Variants in PRPF39 observed in about 807,000 individuals in gnomAD.
PRPF39 encodes pre-mRNA-processing factor 39.
Under a neutral mutation model 82.1 loss-of-function variants are expected in PRPF39, and 27 were observed. The ratio of observed to expected loss-of-function variants is 0.33; its 90% confidence interval spans 0.24 to 0.45. The LOEUF is 0.45. PRPF39 is among the 20% of genes least tolerant of loss of function. The pLI, the probability that PRPF39 is intolerant of heterozygous loss-of-function variation, is 1.00. For missense variants in PRPF39, 581 were observed against 796.9 expected (o/e 0.73, Z 3.26); for synonymous variants, 261 against 256.4 (o/e 1.02, Z -0.17).
Position 45,107,517 on chromosome 14 carries a change from G to A in PRPF39, c.804G>A (p.Leu268=), listed in dbSNP as rs1285443670. The A allele has an allele frequency of 6.4e-7, 1 of 1,562,790 alleles. No individual in the cohort carries two copies. Among genetic ancestry groups the A allele is most frequent in the Non-Finnish European group, 8.7e-7 (1 of 1,151,096 alleles). Residue 268 remains leucine (L), a synonymous_variant, in exon 6 of 14, where the codon TTG becomes TTA. Transcript: ENST00000355765. The stretch of plus-strand genomic sequence containing the variant: ...TAACTGGTGAACAGTTTATTCAGTT[G>A]CGAAGGGAATTAGCTTCTGTAAATG... ...DLLTGEQFIQ[L]RRELASVNGH... is the part of the protein sequence containing the mutation.
chr14:45,090,888 C>T (rs950260660), intron 1 of PRPF39, among the ~76,000 whole-genome samples: 1 of 152,092 alleles, frequency 6.6e-6, no homozygotes, highest in Non-Finnish European at 1.5e-5. Flanking sequence ...GTCCCCTTCC[C>T]CCATCCCCAC....
chr14:45,113,394 C>A (rs1348495121), intron 11 of PRPF39, among the ~76,000 whole-genome samples: 2 of 152,160 alleles, frequency 1.3e-5, no homozygotes, highest in Non-Finnish European at 2.9e-5. Flanking sequence ...GTTCTGTTCT[C>A]TTAATAGATG....
chr14:45,112,494 T>C lies in PRPF39; in HGVS notation c.1749T>C (p.Asp583=). The change falls in exon 11 of 14, where the codon GAT becomes GAC. Residue 583 remains aspartate (D), a synonymous_variant. Coordinates refer to ENST00000355765, the MANE Select transcript of PRPF39 (RefSeq NM_017922.4). The part of the protein sequence containing the change: ...KVEFLEDFGS[D]VNKLLNAYDE... The stretch of plus-strand genomic sequence containing the variant: ...AATTTCTTGAAGATTTTGGTTCCGA[T>C]GTTAATAAGTAAGATATTAGTTATA... 1 of 1,509,036 alleles carries C rather than the reference T, an allele frequency of 6.6e-7. No homozygotes were observed. The highest frequency in any genetic ancestry group is 8.8e-7 in the Non-Finnish European group (1 of 1,138,384). 93.5% of individuals were successfully genotyped at this position (1,509,036 alleles called of 1,614,324 possible).
intron 1 of PRPF39, among the ~76,000 whole-genome samples, chr14:45,091,643 A>G (rs566951638): frequency 1.4e-3 from 211 of 152,344 alleles, no homozygotes; most frequent in African/African-American, 4.8e-3. Context: ...AAAATTAGTA[A>G]TGAACAGAAA....
chr14:45,110,056 CTG>C lies in PRPF39; in HGVS notation c.1177-36_1177-35del, dbSNP rs779808763. 6.2e-7 allele frequency: 1 copy of C among 1,605,644 alleles called. No individual in the cohort carries two copies. The highest frequency in any genetic ancestry group is 8.5e-7 in the Non-Finnish European group (1 of 1,175,662). ...GTCACAAATTTAATGGCTTGTTCAA[CTG>C]TAAATTATTCAGTATTTCCTCTTTT... On this transcript the variant is annotated intron_variant, in intron 8 of 13. Transcript: ENST00000355765. The surrounding 1 kb of genome is among the most constrained non-coding windows in gnomAD (Gnocchi z 4.0).
At chr14:45,106,066 G>T (rs1162003710) in intron 5 of PRPF39, among the ~76,000 whole-genome samples, 1 of 151,956 alleles carries the variant, frequency 6.6e-6, no homozygotes, top group East Asian at 1.9e-4. Flanking sequence ...AATGCTGAGG[G>T]TGGCGGGGCA....
At chr14:45,109,850 A>C (rs773001155) in intron 8 of PRPF39, 70 bp downstream of exon 8, 144 of 1,523,766 alleles carry the variant, frequency 9.5e-5, no homozygotes, top group Non-Finnish European at 1.2e-4. Flanking sequence ...CCTTTTTTGT[A>C]CTTCTGTTGA....
Position 45,110,643 on chromosome 14 carries a change from A to T in PRPF39, c.1398A>T (p.Arg466=). ...GTTTACGAAGAGTAAGTTTAGAACG[A>T]CGGCATGGAAATCTGGAAGAAGCTG... ...MVRLRRVSLE[R]RHGNLEEAEH... The change falls in exon 10 of 14, where the codon CGA becomes CGT. Residue 466 remains arginine (R), a synonymous_variant. Coordinates refer to ENST00000355765, the MANE Select transcript of PRPF39 (RefSeq NM_017922.4). This position sits in a 1 kb window ranked among gnomAD's most constrained non-coding sequence, Gnocchi z 4.0. The T allele has an allele frequency of 1.3e-6, 2 of 1,576,116 alleles. No individual in the cohort carries two copies. Among genetic ancestry groups the T allele is most frequent in the Middle Eastern group, 1.7e-4 (1 of 6,010 alleles).
intron 13 of PRPF39, 30 bp downstream of exon 13, chr14:45,114,644 C>A: frequency 6.3e-7 from 1 of 1,583,842 alleles, no homozygotes; most frequent in South Asian, 1.2e-5. Context: ...ATTCTTTGTT[C>A]ATAGATGTTA....
chr14:45,093,668 G>T lies in PRPF39; in HGVS notation c.-19-1553G>T, dbSNP rs184326576. Among the ~76,000 whole-genome samples, 40 of 151,582 alleles carry T rather than the reference G, an allele frequency of 2.6e-4. No homozygotes were observed. The East Asian group carries it at 7.8e-3, about 29-fold the overall frequency. The stretch of plus-strand genomic sequence containing the variant: ...CCTCCCAGGTTCAAGAGAGTCTCCT[G>T]CCTCAGCCTCCTGAGTAGCTGGGAT... On this transcript the variant is annotated intron_variant, in intron 1 of 13. Coordinates refer to ENST00000355765, the MANE Select transcript of PRPF39 (RefSeq NM_017922.4).
chr14:45,110,636 T>C lies in PRPF39; in HGVS notation c.1391T>C (p.Leu464Ser). 1 of 1,575,760 alleles carries C rather than the reference T, an allele frequency of 6.3e-7. No individual in the cohort carries two copies. The highest frequency in any genetic ancestry group is 8.6e-7 in the Non-Finnish European group (1 of 1,159,190). ...LAMVRLRRVS[L>S]ERRHGNLEEA... ...ATGGTTCGTTTACGAAGAGTAAGTT[T>C]AGAACGACGGCATGGAAATCTGGAA... Residue 464 changes from leucine to serine, a missense_variant, in exon 10 of 14, where the codon TTA becomes TCA. Leu to Ser is a moderately radical substitution (Grantham distance 145). Transcript: ENST00000355765. This position sits in a 1 kb window ranked among gnomAD's most constrained non-coding sequence, Gnocchi z 4.0.
chr14:45,085,508 T>C (rs1168489555), intron 1 of PRPF39, among the ~76,000 whole-genome samples: 2 of 152,190 alleles, frequency 1.3e-5, no homozygotes, highest in African/African-American at 2.4e-5. Context: ...ACATGGAAGA[T>C]AGGACTTCAA....
chr14:45,115,688 A>G lies in PRPF39; in HGVS notation c.*775A>G, dbSNP rs1345191917. The G allele has an allele frequency of 6.6e-6, 1 of 152,610 alleles. No individual in the cohort carries two copies. The highest frequency in any genetic ancestry group is 1.5e-5 in the Non-Finnish European group (1 of 68,212). 9.5% of individuals were successfully genotyped at this position (152,610 alleles called of 1,614,324 possible). Reference sequence around the variant, plus strand: ...TAGTGGCTCATTGGTTTTGAAGTACACCTTTTCTAAATTCAGGTCTTGATC... The same window carrying G: ...TAGTGGCTCATTGGTTTTGAAGTACGCCTTTTCTAAATTCAGGTCTTGATC... On this transcript the variant is annotated 3_prime_UTR_variant, in exon 14 of 14. Coordinates refer to ENST00000355765, the MANE Select transcript of PRPF39 (RefSeq NM_017922.4).
At chr14:45,098,113 C>A (rs1357470646) in intron 4 of PRPF39, among the ~76,000 whole-genome samples, 1 of 151,808 alleles carries the variant, frequency 6.6e-6, no homozygotes, top group South Asian at 2.1e-4. Flanking sequence ...TTTTTTTAAT[C>A]ATTGTAAATC....
Position 45,112,467 on chromosome 14 carries a change from G to A in PRPF39, c.1722G>A (p.Val574=). ...GAATTACATTTTCTCAGAGAAAAGT[G>A]GAATTTCTTGAAGATTTTGGTTCCG... The part of the protein sequence containing the change: ...KMRITFSQRK[V]EFLEDFGSDV... Residue 574 remains valine, a synonymous_variant, in exon 11 of 14, where the codon GTG becomes GTA. Transcript: ENST00000355765. The A allele has an allele frequency of 6.6e-7, 1 of 1,522,906 alleles. No homozygotes were observed. Among genetic ancestry groups the A allele is most frequent in the Middle Eastern group, 1.7e-4 (1 of 5,748 alleles). The allele number at this position is 1,522,906 out of a possible 1,614,324, so 94.3% of individuals were successfully genotyped here.
chr14:45,111,084 A>G, intron 10 of PRPF39: 1 of 391,546 alleles, frequency 2.6e-6, no homozygotes, highest in Non-Finnish European at 4.6e-6. Flanking sequence ...AATTATCAAC[A>G]AATTTACTGA....
rs757055231 is a variant in PRPF39, at chr14:45,096,204, C to G, written c.426C>G (p.His142Gln). 5.0e-6 allele frequency: 8 copies of G among 1,590,806 alleles called. No individual in the cohort carries two copies. The Admixed American group carries it at 8.8e-5, about 18-fold the overall frequency. The change falls in exon 3 of 14, where the codon CAC becomes CAG. Residue 142 changes from histidine to glutamine, a missense_variant. Coordinates refer to ENST00000355765, the MANE Select transcript of PRPF39 (RefSeq NM_017922.4). ...AGTATGCAGACCTTGAAAAGCGGCA[C>G]GACAACATTAAACCATCAGATGAGG... is the stretch of plus-strand genomic sequence containing the variant. ...WKKYADLEKR[H>Q]DNIKPSDEVY...
Position 45,085,317 on chromosome 14 carries a change from T to G in PRPF39, c.-20+1068T>G, listed in dbSNP as rs1002635820. On this transcript the variant is annotated intron_variant, in intron 1 of 13. Coordinates refer to ENST00000355765, the MANE Select transcript of PRPF39 (RefSeq NM_017922.4). ...GAGTTCTGTTAAAGAGGACTAGTAC[T>G]TAGATTGTGAACTTTGAAGTAGGGG... Among the ~76,000 whole-genome samples, 3 of 152,224 alleles carry G rather than the reference T, an allele frequency of 2.0e-5. No homozygotes were observed. In the East Asian group the frequency reaches 5.8e-4, roughly 29 times the overall value.
rs542005854 is a variant in PRPF39, at chr14:45,115,671, C to A, written c.*758C>A. The A allele has an allele frequency of 6.6e-6, 1 of 152,532 alleles. No individual in the cohort carries two copies. Among genetic ancestry groups the A allele is most frequent in the East Asian group, 1.9e-4 (1 of 5,190 alleles). The allele number at this position is 152,532 out of a possible 1,614,324, so 9.4% of individuals were successfully genotyped here. On this transcript the variant is annotated 3_prime_UTR_variant, in exon 14 of 14. Coordinates refer to ENST00000355765, the MANE Select transcript of PRPF39 (RefSeq NM_017922.4). ...CTTATGTTCACCTTTATTAGTGGCT[C>A]ATTGGTTTTGAAGTACACCTTTTCT...
Sources: allele counts gnomAD v4.1 joint callset (sites outside exome capture counted in the v4.1 genomes callset), GRCh38; gene constraint gnomAD v4.1.1; non-coding constraint Gnocchi (gnomAD v3.1); transcripts MANE v1.5; gene names NCBI Gene and HGNC (gene_info 2026-07-23, HGNC 2026-07-21).